The following KMT2E variants were observed in gnomAD, a reference collection of about 807,000 sequenced individuals.
KMT2E encodes lysine methyltransferase 2E (inactive).
A neutral mutation model predicts 184.6 loss-of-function variants in KMT2E; 30 were observed. That is an observed-to-expected ratio of 0.16 (90% CI 0.12 to 0.22). The LOEUF is 0.22. Among genes scored for constraint, KMT2E ranks in the 10% least tolerant of loss-of-function variants. KMT2E has a pLI of 1.00. For synonymous variants in KMT2E, 815 were observed against 776.5 expected, an observed-to-expected ratio of 1.05 and a Z score of -0.82; for missense variants, 2,023 against 2,237.4, an observed-to-expected ratio of 0.90 and a Z score of 1.93.
chr7:105,059,599 G>A lies in KMT2E; in HGVS notation c.72-2565G>A, dbSNP rs75349403. Among the ~76,000 whole-genome samples the A allele has an allele frequency of 1.1e-3, 170 of 152,212 alleles. 1 individual carries two copies. The East Asian group carries it at 0.025, about 23-fold the overall frequency. On this transcript the variant is annotated intron_variant, in intron 3 of 26. Coordinates refer to ENST00000311117, the MANE Select transcript of KMT2E (RefSeq NM_182931.3). ...ATAGAAATAATGTCAATATTTACCC[G>A]TAGGGGAAATTGTTAAATAAATTTA...
Position 105,106,685 on chromosome 7 carries a change from T to A in KMT2E, c.2760T>A (p.Asp920Glu), listed in dbSNP as rs1032381951. 1.2e-6 allele frequency: 2 copies of A among 1,613,884 alleles called. No individual in the cohort carries two copies. Among genetic ancestry groups the A allele is most frequent in the African/African-American group, 2.7e-5 (2 of 74,918 alleles). Residue 920 changes from aspartate (D) to glutamate (E), a missense_variant, in exon 20 of 27, where the codon GAT becomes GAA. Physicochemically the swap from Asp to Glu is conservative, Grantham distance 45. Coordinates refer to ENST00000311117, the MANE Select transcript of KMT2E (RefSeq NM_182931.3). Reference protein sequence around the residue: ...FATPPRIKSDDETCRNGYKPI... With the variant: ...FATPPRIKSDEETCRNGYKPI... ...CGCCTCCACGGATAAAATCAGATGATGAAACTTGTAGAAATGGTTATAAAC... is the reference window on the plus strand; with the variant it reads ...CGCCTCCACGGATAAAATCAGATGAAGAAACTTGTAGAAATGGTTATAAAC...
Position 105,090,240 on chromosome 7 carries a change from T to G in KMT2E, c.1590T>G (p.Leu530=). 1.2e-6 allele frequency: 2 copies of G among 1,602,976 alleles called. No homozygotes were observed. The highest frequency in any genetic ancestry group is 2.3e-5 in the South Asian group (2 of 88,376). Residue 530 remains leucine (L), a synonymous_variant, in exon 14 of 27, where the codon CTT becomes CTG. Coordinates refer to ENST00000311117, the MANE Select transcript of KMT2E (RefSeq NM_182931.3). The part of the protein sequence containing the change: ...MKSPETKQRK[L]SPLRLSVSNN... ...GCCCAGAAACTAAACAAAGAAAGCTTTCTCCACTGAGACTATCAGTATCAA... is the reference window on the plus strand; with the variant it reads ...GCCCAGAAACTAAACAAAGAAAGCTGTCTCCACTGAGACTATCAGTATCAA...
rs145923995 is a variant in KMT2E, at chr7:105,109,057, A to C, written c.3584A>C (p.Asn1195Thr). Reference sequence around the variant, plus strand: ...CATGCAAGTGGAAGCTTGAGCAACAATGGTGATGGCTGTGCCAGCAGTAAT... The same window carrying C: ...CATGCAAGTGGAAGCTTGAGCAACACTGGTGATGGCTGTGCCAGCAGTAAT... Reference protein sequence around the residue: ...SPHASGSLSNNGDGCASSNDN... With the variant: ...SPHASGSLSNTGDGCASSNDN... The change falls in exon 23 of 27, where the codon AAT becomes ACT. Residue 1195 changes from asparagine to threonine, a missense_variant. By Grantham distance (65) the Asn-to-Thr change is moderately conservative. Around this residue, in one of 8 missense-constraint regions of KMT2E, gnomAD observed 1,108 missense variants for 1,050.9 expected, o/e 1.05. Transcript: ENST00000311117. 6.2e-7 allele frequency: 1 copy of C among 1,614,190 alleles called. No individual in the cohort carries two copies. The highest frequency in any genetic ancestry group is 1.7e-5 in the Admixed American group (1 of 60,026).
intron 3 of KMT2E, among the ~76,000 whole-genome samples, chr7:105,060,602 T>C (rs1047488584): frequency 6.6e-6 from 1 of 151,970 alleles, no homozygotes; most frequent in Non-Finnish European, 1.5e-5. Context: ...AGTTTTTTTT[T>C]TTTATTTTTA....
At chr7:105,039,823 A>G (rs934574922) in intron 2 of KMT2E, among the ~76,000 whole-genome samples, 12 of 152,160 alleles carry the variant, frequency 7.9e-5, no homozygotes, top group Non-Finnish European at 1.0e-4. Flanking sequence ...GCTGTTTTCT[A>G]ATTTATAGGA....
Position 105,070,632 on chromosome 7 carries a change from CAAAA to C in KMT2E, c.498-2966_498-2963del, listed in dbSNP as rs57911728. 4.4e-3 allele frequency among the ~76,000 whole-genome samples: 264 copies of C among 59,528 alleles called. 9 individuals are homozygous for C. In the East Asian group the frequency reaches 0.088, roughly 20 times the overall value. 39.1% of individuals were successfully genotyped at this position (59,528 alleles called of 152,430 possible). On this transcript the variant is annotated intron_variant, in intron 6 of 26. Transcript: ENST00000311117. The stretch of plus-strand genomic sequence containing the variant: ...TGTGTGAGAGAGCGGGACTGTGTCT[CAAAA>C]AAAAAAAAAAAAAAAAAAAAGCAAA...
Position 105,040,940 on chromosome 7 carries a change from A to G in KMT2E, c.-13A>G. ...GGACTCCATAGTAATCGAATTTACC[A>G]GAGGCGAACGTCATGAGCATAGTGA... On this transcript the variant is annotated 5_prime_UTR_variant, in exon 3 of 27. Coordinates refer to ENST00000311117, the MANE Select transcript of KMT2E (RefSeq NM_182931.3). The G allele has an allele frequency of 1.9e-6, 3 of 1,606,540 alleles. No homozygotes were observed. Among genetic ancestry groups the G allele is most frequent in the Non-Finnish European group, 1.7e-6 (2 of 1,176,296 alleles).
At chr7:105,071,324 A>G (rs527310155) in intron 6 of KMT2E, among the ~76,000 whole-genome samples, 48 of 151,772 alleles carry the variant, frequency 3.2e-4, no homozygotes, top group Non-Finnish European at 6.3e-4. Flanking sequence ...TAGATTGTCA[A>G]ATTTCCTTCC....
intron 3 of KMT2E, among the ~76,000 whole-genome samples, chr7:105,054,101 G>T (rs1796460462): frequency 6.6e-6 from 1 of 151,762 alleles, no homozygotes; most frequent in African/African-American, 2.4e-5. Context: ...GAACCCGGGA[G>T]GTGGAGCTTG....
rs1178517447 is a variant in KMT2E at position 105,114,099 on chromosome 7, T to TACA, written c.*769_*771dup. The TACA allele has an allele frequency of 2.0e-5, 3 of 152,752 alleles. No individual in the cohort carries two copies. Among genetic ancestry groups the TACA allele is most frequent in the Admixed American group, 6.5e-5 (1 of 15,312 alleles). The allele number at this position is 152,752 out of a possible 1,614,324, so 9.5% of individuals were successfully genotyped here. A position where few individuals can be genotyped will look rare whatever the true frequency, so the allele number is the denominator to read the frequency against. On this transcript the variant is annotated 3_prime_UTR_variant, in exon 27 of 27. Coordinates refer to ENST00000311117, the MANE Select transcript of KMT2E (RefSeq NM_182931.3). Reference sequence around the variant, plus strand: ...ATGTCAGTTTTACCAGATTGTCCTGTACAACTTCTAAGATCGGGATCTGTG... The same window carrying TACA: ...ATGTCAGTTTTACCAGATTGTCCTGTACAACAACTTCTAAGATCGGGATCTGTG...
At chr7:105,103,539 TAAAA>T (rs369426263) in intron 17 of KMT2E, 113 of 152,266 alleles carry the variant, frequency 7.4e-4, no homozygotes, top group African/African-American at 2.6e-3. Flanking sequence ...GATTGAGATA[TAAAA>T]AAGTTACTTA....
At chr7:105,058,400 ACT>A (rs377319717) in intron 3 of KMT2E, among the ~76,000 whole-genome samples, 8 of 152,176 alleles carry the variant, frequency 5.3e-5, no homozygotes, top group African/African-American at 9.6e-5. Context: ...TCTACCTAAG[ACT>A]CTTAGCATCC....
At chr7:105,109,256 T>C (rs1231811224) in intron 23 of KMT2E, 28 bp downstream of exon 23, 1 of 1,597,876 alleles carries the variant, frequency 6.3e-7, no homozygotes. Flanking sequence ...TATGCTACTC[T>C]GGAAAAAACA....
At chr7:105,055,170 C>T (rs1249937761) in intron 3 of KMT2E, among the ~76,000 whole-genome samples, 1 of 147,646 alleles carries the variant, frequency 6.8e-6, no homozygotes, top group African/African-American at 2.6e-5. Context: ...GGGAGAGAGA[C>T]AACCCATTAG....
chr7:105,063,014 T>TA (rs1223176840), intron 4 of KMT2E, among the ~76,000 whole-genome samples: 1 of 146,672 alleles, frequency 6.8e-6, no homozygotes, highest in African/African-American at 2.5e-5. Flanking sequence ...TTTTTTTTTT[T>TA]AACACTTCTA....
In KMT2E at chr7:105,077,348, T is replaced by G. The variant is rs763930036; in HGVS notation, c.1045T>G (p.Leu349Val). ...NKKILKSAKD[L>V]PPDALIIEYR... ...GAAAATTCTTAAATCTGCAAAAGAT[T>G]TGCCTCCTGATGCACTTATCATTGA... The change falls in exon 11 of 27, where the codon TTG (leucine) becomes GTG (valine). Residue 349 changes from leucine to valine, a missense_variant. By Grantham distance (32) the Leu-to-Val change is conservative. Transcript: ENST00000311117. 3 of 1,611,084 alleles carry G rather than the reference T, an allele frequency of 1.9e-6. No individual in the cohort carries two copies. The highest frequency in any genetic ancestry group is 2.5e-6 in the Non-Finnish European group (3 of 1,177,784).
intron 3 of KMT2E, among the ~76,000 whole-genome samples, chr7:105,046,716 T>G (rs1252826605): frequency 6.6e-6 from 1 of 152,208 alleles, no homozygotes; most frequent in Non-Finnish European, 1.5e-5. Flanking sequence ...AAAGTAGGTT[T>G]ATAGAATTTA....
rs1410892173 is a variant in KMT2E, at chr7:105,086,785, A to AAATG, written c.1359-3224_1359-3223insAATG. Among the ~76,000 whole-genome samples the AAATG allele has an allele frequency of 4.4e-5, 6 of 135,664 alleles. No homozygotes were observed. In the East Asian group the frequency reaches 1.5e-3, roughly 33 times the overall value. The allele number at this position is 135,664 out of a possible 152,430, so 89.0% of individuals were successfully genotyped here. A position where few individuals can be genotyped will look rare whatever the true frequency, so the allele number is the denominator to read the frequency against. On this transcript the variant is annotated intron_variant, in intron 13 of 26. Transcript: ENST00000311117. ...AAATATAAATATATATAAAATAAAT[A>AAATG]TAATATATAAAAATATGATTATATA...
intron 8 of KMT2E, among the ~76,000 whole-genome samples, chr7:105,075,188 CTTT>C (rs34014525): frequency 3.6e-5 from 5 of 140,610 alleles, no homozygotes; most frequent in East Asian, 2.0e-4. Flanking sequence ...TCTTTGCCTC[CTTT>C]TTTTTTTTTT....
Sources: allele counts gnomAD v4.1 joint callset (sites outside exome capture counted in the v4.1 genomes callset), GRCh38; gene constraint gnomAD v4.1.1; regional missense constraint gnomAD v4.1.1; transcripts MANE v1.5; gene names NCBI Gene and HGNC (gene_info 2026-07-23, HGNC 2026-07-21).